Variants in PPP1R37 observed in about 807,000 individuals in gnomAD.
PPP1R37 encodes the protein protein phosphatase 1 regulatory subunit 37.
A neutral mutation model predicts 61.0 loss-of-function variants in PPP1R37; 21 were observed. That is an observed-to-expected ratio of 0.34 (90% CI 0.24 to 0.50). PPP1R37 has a LOEUF of 0.50. Ranked by LOEUF, PPP1R37 falls within the 20% of genes least tolerant of loss-of-function variation. The probability of loss-of-function intolerance (pLI) is 0.98; values close to 1 mark genes in which losing one functional copy is unlikely to be tolerated. For missense variants in PPP1R37, 910 were observed against 952.7 expected (o/e 0.96, Z 0.59); for synonymous variants, 443 against 433.5 (o/e 1.02, Z -0.27).
At position 45,147,211 on chromosome 19, in the gene PPP1R37, A is replaced by G. The variant is rs1044231166; in HGVS notation, c.*649A>G. On this transcript the variant is annotated 3_prime_UTR_variant, in exon 13 of 13. Coordinates refer to ENST00000221462, the MANE Select transcript of PPP1R37 (RefSeq NM_019121.2). ...GGCATGGGTGTGGGTGAGGGTGGGC[A>G]GAGGGCTGGGGCTACTCCTGTCGGT... 6.6e-6 allele frequency: 1 copy of G among 152,414 alleles called. No individual in the cohort carries two copies. The highest frequency in any genetic ancestry group is 2.4e-5 in the African/African-American group (1 of 41,440). 9.4% of individuals were successfully genotyped at this position (152,414 alleles called of 1,614,324 possible). A position where few individuals can be genotyped will look rare whatever the true frequency, so the allele number is the denominator to read the frequency against.
chr19:45,133,709 ACT>A (rs1255895506), intron 1 of PPP1R37, among the ~76,000 whole-genome samples: 1 of 152,018 alleles, frequency 6.6e-6, no homozygotes, highest in African/African-American at 2.4e-5. Context: ...GACTTCAGTC[ACT>A]CTGCCTGGAA....
rs888443922 is a variant in PPP1R37, at chr19:45,130,630, A to G, written c.203-7884A>G. 1.3e-5 allele frequency among the ~76,000 whole-genome samples: 2 copies of G among 152,116 alleles called. No individual in the cohort carries two copies. The highest frequency in any genetic ancestry group is 1.9e-4 in the East Asian group (1 of 5,194). ...TTTCTGTTCATTCCAAAATAACAAAATAACACCTGCATTGCAAAGCGTGGT... is the reference window on the plus strand; with the variant it reads ...TTTCTGTTCATTCCAAAATAACAAAGTAACACCTGCATTGCAAAGCGTGGT... On this transcript the variant is annotated intron_variant, in intron 1 of 12. Transcript: ENST00000221462. This position sits in a 1 kb window ranked among gnomAD's most constrained non-coding sequence, Gnocchi z 4.4.
intron 1 of PPP1R37, among the ~76,000 whole-genome samples, chr19:45,097,778 G>C (rs1165033899): frequency 6.6e-6 from 1 of 152,086 alleles, no homozygotes; most frequent in Non-Finnish European, 1.5e-5. Context: ...GCTGGAATGG[G>C]AGAGCAGAGG....
intron 1 of PPP1R37, among the ~76,000 whole-genome samples, chr19:45,131,572 G>A (rs913966649): frequency 6.6e-6 from 1 of 152,182 alleles, no homozygotes; most frequent in Admixed American, 6.5e-5. Context: ...GTGCTGAGCT[G>A]GCCAAGTGAA....
chr19:45,100,946 C>A (rs934856862), intron 1 of PPP1R37, among the ~76,000 whole-genome samples: 12 of 152,150 alleles, frequency 7.9e-5, no homozygotes, highest in Non-Finnish European at 1.6e-4. Context: ...ATGTGATAGG[C>A]GCTCAATATA....
At chr19:45,145,026 C>T (rs1968668608) in intron 9 of PPP1R37, 31 bp downstream of exon 9, 2 of 1,525,242 alleles carry the variant, frequency 1.3e-6, no homozygotes, top group East Asian at 2.5e-5. Flanking sequence ...AGGGTGCGGG[C>T]TGGTGGGCTC....
chr19:45,119,912 G>A (rs1473403104), intron 1 of PPP1R37, among the ~76,000 whole-genome samples: 1 of 152,134 alleles, frequency 6.6e-6, no homozygotes, highest in African/African-American at 2.4e-5. Flanking sequence ...AGAAGGGCCT[G>A]GGGTCCCTCT....
At chr19:45,118,263 C>T (rs1263597823) in intron 1 of PPP1R37, among the ~76,000 whole-genome samples, 1 of 152,186 alleles carries the variant, frequency 6.6e-6, no homozygotes, top group African/African-American at 2.4e-5. Context: ...GAGGGTTCCC[C>T]AGTGCAGAGT....
At chr19:45,115,394 T>A (rs978230000) in intron 1 of PPP1R37, among the ~76,000 whole-genome samples, 42 of 152,254 alleles carry the variant, frequency 2.8e-4, no homozygotes, top group Admixed American at 1.6e-3. Flanking sequence ...TGGCACATGC[T>A]CCATCTCCCT....
At chr19:45,123,792 G>A (rs549890673) in intron 1 of PPP1R37, among the ~76,000 whole-genome samples, 1 of 152,352 alleles carries the variant, frequency 6.6e-6, no homozygotes, top group East Asian at 1.9e-4. Context: ...CACTACATGA[G>A]TAGCTTCTTG....
chr19:45,106,405 C>A (rs987879690), intron 1 of PPP1R37, among the ~76,000 whole-genome samples: 1 of 152,090 alleles, frequency 6.6e-6, no homozygotes, highest in Admixed American at 6.5e-5. Context: ...CCATGCCCAG[C>A]TAATTTTTTT....
chr19:45,126,558 T>G (rs1041000828), intron 1 of PPP1R37, among the ~76,000 whole-genome samples: 14 of 142,112 alleles, frequency 9.9e-5, no homozygotes, highest in Non-Finnish European at 1.9e-4. Context: ...CAGGTGTGAC[T>G]TTATTGCACC....
intron 8 of PPP1R37, chr19:45,143,894 C>T (rs1249739178): frequency 2.1e-5 from 6 of 281,070 alleles, no homozygotes; most frequent in Non-Finnish European, 4.0e-5. Flanking sequence ...GCAGTGGCGC[C>T]ATCTAGGCTC....
intron 1 of PPP1R37, among the ~76,000 whole-genome samples, chr19:45,112,599 T>C (rs6509194): frequency 0.66 from 100,462 of 152,022 alleles, 34,113 homozygotes; most frequent in African/African-American, 0.74. Flanking sequence ...CCCTGCCCTC[T>C]AGTGGCCAGT....
intron 1 of PPP1R37, among the ~76,000 whole-genome samples, chr19:45,135,823 C>T (rs1429603745): frequency 2.0e-5 from 3 of 146,758 alleles, no homozygotes; most frequent in South Asian, 4.2e-4. Context: ...GCTCTTGTCA[C>T]CCAGGCTGGA....
intron 1 of PPP1R37, among the ~76,000 whole-genome samples, chr19:45,118,487 T>G (rs1367864307): frequency 6.6e-6 from 1 of 150,760 alleles, no homozygotes; most frequent in Non-Finnish European, 1.5e-5. Flanking sequence ...CCTCCTCTTC[T>G]TTGTCTTGGG....
intron 1 of PPP1R37, among the ~76,000 whole-genome samples, chr19:45,118,656 G>C (rs1968300193): frequency 6.6e-6 from 1 of 152,162 alleles, no homozygotes. Context: ...CTTGTGCCAG[G>C]AGCCCCAGCT....
chr19:45,114,602 C>T (rs1968241231), intron 1 of PPP1R37, among the ~76,000 whole-genome samples: 1 of 152,196 alleles, frequency 6.6e-6, no homozygotes, highest in South Asian at 2.1e-4. Flanking sequence ...AATACAAGGT[C>T]TGACTGCAAA....
chr19:45,134,734 A>C (rs1312364812), intron 1 of PPP1R37, among the ~76,000 whole-genome samples: 1 of 151,886 alleles, frequency 6.6e-6, no homozygotes, highest in Non-Finnish European at 1.5e-5. Flanking sequence ...TAATTTTTGT[A>C]TTTTTAGTAG....
Sources: allele counts gnomAD v4.1 joint callset (sites outside exome capture counted in the v4.1 genomes callset), GRCh38; gene constraint gnomAD v4.1.1; non-coding constraint Gnocchi (gnomAD v3.1); transcripts MANE v1.5; gene names NCBI Gene and HGNC (gene_info 2026-07-23, HGNC 2026-07-21).